The following ZDBF2 variants were observed in gnomAD, a reference collection of about 807,000 sequenced individuals.
The protein encoded by ZDBF2 is DBF4-type zinc finger-containing protein 2.
In ZDBF2, 6 loss-of-function variants were observed where a neutral mutation model predicts 9.4. That is an observed-to-expected ratio of 0.64 (90% confidence interval 0.35 to 1.27). The LOEUF is 1.27. ZDBF2 is among the 50% of genes most tolerant of loss of function. The pLI, the probability that ZDBF2 is intolerant of heterozygous loss-of-function variation, is 0.03. For synonymous variants in ZDBF2, 905 were observed against 946.3 expected (o/e 0.96, Z 0.80); for missense variants, 2,697 against 2,766.8 (o/e 0.97, Z 0.57).
At chr2:206,288,087 T>G (rs1691691824) in intron 3 of ZDBF2, among the ~76,000 whole-genome samples, 1 of 152,234 alleles carries the variant, frequency 6.6e-6, no homozygotes, top group South Asian at 2.1e-4. Flanking sequence ...TATGAGGAAG[T>G]TATGTTCCTT....
chr2:206,282,675 G>A (rs1474487051), intron 3 of ZDBF2, among the ~76,000 whole-genome samples: 1 of 152,118 alleles, frequency 6.6e-6, no homozygotes, highest in East Asian at 1.9e-4. Flanking sequence ...GGCTGCTGAG[G>A]GAAAAATAGT....
At chr2:206,302,027 C>A (rs978351916) in intron 4 of ZDBF2, among the ~76,000 whole-genome samples, 1 of 146,586 alleles carries the variant, frequency 6.8e-6, no homozygotes, top group Non-Finnish European at 1.5e-5. Flanking sequence ...GTTTTTTGTT[C>A]GTTTGTAGGT....
In ZDBF2 at chr2:206,305,136, A is replaced by G; in HGVS notation, c.608A>G (p.Asn203Ser). The G allele has an allele frequency of 6.2e-7, 1 of 1,613,836 alleles. No individual in the cohort carries two copies. Among genetic ancestry groups the G allele is most frequent in the Non-Finnish European group, 8.5e-7 (1 of 1,179,804 alleles). ...ESSNDRPVTA[N>S]TTSLPPAAHL... ...TCTAACGATAGACCAGTTACAGCTAATACAACTAGTTTACCACCAGCAGCT... is the reference window on the plus strand; with the variant it reads ...TCTAACGATAGACCAGTTACAGCTAGTACAACTAGTTTACCACCAGCAGCT... The change falls in exon 5 of 5, where the codon AAT becomes AGT. Residue 203 changes from asparagine (N) to serine (S), a missense_variant. Physicochemically the swap from Asn to Ser is conservative, Grantham distance 46. This residue lies in a region of ZDBF2 where 910 missense variants were observed against 973.6 expected (regional missense o/e 0.93). Transcript: ENST00000374423.
intron 1 of ZDBF2, among the ~76,000 whole-genome samples, chr2:206,276,936 GTGT>G (rs1046649042): frequency 1.3e-4 from 20 of 152,282 alleles, no homozygotes; most frequent in African/African-American, 4.3e-4. Context: ...AAAATTAGTA[GTGT>G]TGTGTGGAGG....
rs562754426 is a variant in ZDBF2 at position 206,283,205 on chromosome 2, G to A, written c.60+1296G>A. Among the ~76,000 whole-genome samples the A allele has an allele frequency of 5.8e-4, 88 of 152,296 alleles. 1 individual carries two copies. Among genetic ancestry groups the A allele is most frequent in the African/African-American group, 1.9e-3 (80 of 41,556 alleles). On this transcript the variant is annotated intron_variant, in intron 3 of 4. Transcript: ENST00000374423. Reference sequence around the variant, plus strand: ...TGTACAAGTTTTTGTGTGGACGTATGCTTTCACTTTTCTTAGGTTTACATG... The same window carrying A: ...TGTACAAGTTTTTGTGTGGACGTATACTTTCACTTTTCTTAGGTTTACATG...
At chr2:206,304,390 T>C (rs947101192) in intron 4 of ZDBF2, among the ~76,000 whole-genome samples, 1 of 152,330 alleles carries the variant, frequency 6.6e-6, no homozygotes, top group Non-Finnish European at 1.5e-5. Flanking sequence ...AGGCAGAAAC[T>C]GAAGCATACA....
rs1386605199 is a variant in ZDBF2, at chr2:206,309,699, C to A, written c.5171C>A (p.Ala1724Asp). The change falls in exon 5 of 5, where the codon GCT (alanine) becomes GAT (aspartate). Residue 1724 changes from alanine (A) to aspartate (D), a missense_variant. This residue lies in a region of ZDBF2 where 1,783 missense variants were observed against 1,776.5 expected (regional missense o/e 1.00). Coordinates refer to ENST00000374423, the MANE Select transcript of ZDBF2 (RefSeq NM_020923.3). The stretch of plus-strand genomic sequence containing the variant: ...TCCAAGTCAGCGCTCCATCGAAGGG[C>A]TGATAAAAAAAAACGTTCGAAGCTA... ...ASSKSALHRR[A>D]DKKKRSKLKH... The A allele has an allele frequency of 6.2e-7, 1 of 1,613,656 alleles. No homozygotes were observed. Among genetic ancestry groups the A allele is most frequent in the Admixed American group, 1.7e-5 (1 of 59,984 alleles).
In ZDBF2 at chr2:206,308,941, G is replaced by T. The variant is rs747703884; in HGVS notation, c.4413G>T (p.Val1471=). 6.2e-7 allele frequency: 1 copy of T among 1,613,450 alleles called. No homozygotes were observed. The highest frequency in any genetic ancestry group is 2.2e-5 in the East Asian group (1 of 44,866). ...AGTCAGAAGTTGACCAACCTCAAGT[G>T]TCTTACAAAGAGGCAGACCTTCAGA... is the stretch of plus-strand genomic sequence containing the variant. The part of the protein sequence containing the change: ...HLQSEVDQPQ[V]SYKEADLQKE... Residue 1471 remains valine (V), a synonymous_variant, in exon 5 of 5, where the codon GTG becomes GTT. Coordinates refer to ENST00000374423, the MANE Select transcript of ZDBF2 (RefSeq NM_020923.3).
In ZDBF2 at chr2:206,308,783, C is replaced by T; in HGVS notation, c.4255C>T (p.Gln1419Ter). 2 of 1,613,712 alleles carry T rather than the reference C, an allele frequency of 1.2e-6. No homozygotes were observed. Among genetic ancestry groups the T allele is most frequent in the Non-Finnish European group, 1.7e-6 (2 of 1,179,806 alleles). Residue 1419 changes from glutamine (Q) to a stop codon, truncating the protein, a stop_gained, in exon 5 of 5, where the codon CAG (glutamine) becomes TAG (stop). Transcript: ENST00000374423. LOFTEE classifies it low-confidence loss of function (END_TRUNC). ...AAGTTATGCTTCTCATATTCCTGTT[C>T]AGTTTGTGACTGATCAATCTTCTGT... Reference protein sequence around the residue: ...DVSYASHIPVQFVTDQSSVPV... With the variant: ...DVSYASHIPV
At chr2:206,288,463 C>T (rs758315238) in intron 3 of ZDBF2, among the ~76,000 whole-genome samples, 3 of 152,158 alleles carry the variant, frequency 2.0e-5, no homozygotes, top group Non-Finnish European at 2.9e-5. Flanking sequence ...GTTTTCATTA[C>T]GATGGGGAGA....
chr2:206,281,813 A>G lies in ZDBF2; in HGVS notation c.-37A>G. 2 of 1,601,650 alleles carry G rather than the reference A, an allele frequency of 1.2e-6. No homozygotes were observed. ...TTTTGTTTTTCAGCTTGAGTATTCA[A>G]AGACAGTAGCCATCTGACTTCAGTT... On this transcript the variant is annotated 5_prime_UTR_variant, in exon 3 of 5. Coordinates refer to ENST00000374423, the MANE Select transcript of ZDBF2 (RefSeq NM_020923.3).
At position 206,275,331 on chromosome 2, in the gene ZDBF2, G is replaced by A. The variant is rs191644190; in HGVS notation, c.-103+385G>A. 7.5e-3 allele frequency among the ~76,000 whole-genome samples: 1,136 copies of A among 152,294 alleles called. 14 individuals are homozygous for A. Among genetic ancestry groups the A allele is most frequent in the African/African-American group, 0.026 (1,086 of 41,576 alleles). On this transcript the variant is annotated intron_variant, in intron 1 of 4. Coordinates refer to ENST00000374423, the MANE Select transcript of ZDBF2 (RefSeq NM_020923.3). ...CGGAGTCTTGCCCCTGGGCACCTGT[G>A]GGGCCGAGATCCCGAGCCACCTGTC...
At chr2:206,302,538 T>C (rs948174183) in intron 4 of ZDBF2, among the ~76,000 whole-genome samples, 1 of 152,224 alleles carries the variant, frequency 6.6e-6, no homozygotes, top group Non-Finnish European at 1.5e-5. Context: ...TTTTCCCTTT[T>C]CTTTCTTTTC....
intron 1 of ZDBF2, 79 bp downstream of exon 1, chr2:206,275,025 C>T (rs1690905263): frequency 6.6e-6 from 1 of 150,770 alleles, no homozygotes; most frequent in Non-Finnish European, 1.5e-5. Context: ...CCCGGGGCGC[C>T]TTCTTCCCGA....
At chr2:206,283,459 T>G (rs539919460) in intron 3 of ZDBF2, among the ~76,000 whole-genome samples, 23 of 152,332 alleles carry the variant, frequency 1.5e-4, no homozygotes, top group African/African-American at 4.8e-4. Flanking sequence ...GGCTTTGATT[T>G]GCATTTCCCT....
chr2:206,295,915 A>G (rs1574400746), intron 3 of ZDBF2, among the ~76,000 whole-genome samples: 1 of 152,084 alleles, frequency 6.6e-6, no homozygotes, highest in African/African-American at 2.4e-5. Context: ...TAGTGTATTT[A>G]TTTTAATTTT....
rs1284600556 is a variant in ZDBF2, at chr2:206,306,115, G to C, written c.1587G>C (p.Lys529Asn). 1.2e-6 allele frequency: 2 copies of C among 1,613,816 alleles called. No individual in the cohort carries two copies. Among genetic ancestry groups the C allele is most frequent in the Non-Finnish European group, 1.7e-6 (2 of 1,179,808 alleles). The change falls in exon 5 of 5, where the codon AAG (lysine) becomes AAC (asparagine). Residue 529 changes from lysine to asparagine, a missense_variant. Transcript: ENST00000374423. ...PKEVHIGLVD[K>N]NYGSSSSEVS... is the part of the protein sequence containing the mutation. ...AAGTGCACATTGGTTTGGTTGATAAGAACTATGGTTCCAGTAGCTCTGAAG... is the reference window on the plus strand; with the variant it reads ...AAGTGCACATTGGTTTGGTTGATAACAACTATGGTTCCAGTAGCTCTGAAG...
intron 4 of ZDBF2, among the ~76,000 whole-genome samples, chr2:206,301,651 A>T (rs983657315): frequency 6.6e-6 from 1 of 152,028 alleles, no homozygotes; most frequent in Non-Finnish European, 1.5e-5. Flanking sequence ...AAACTTTCTA[A>T]CTTATAGGAT....
Position 206,306,174 on chromosome 2 carries a change from T to G in ZDBF2, c.1646T>G (p.Val549Gly). The change falls in exon 5 of 5, where the codon GTG becomes GGG. Residue 549 changes from valine (V) to glycine (G), a missense_variant. Around this residue, in one of 3 missense-constraint regions of ZDBF2, gnomAD observed 910 missense variants for 973.6 expected, o/e 0.93. Transcript: ENST00000374423. ...GATTCTGTTTTCCCACTGCAGTCAG[T>G]GGTTGACAGACCCCCAGTGGCTGTC... ...SADSVFPLQSVVDRPPVAVTE... is the reference protein window; with the variant it reads ...SADSVFPLQSGVDRPPVAVTE... The G allele has an allele frequency of 6.2e-7, 1 of 1,613,734 alleles. No homozygotes were observed. The highest frequency in any genetic ancestry group is 1.7e-4 in the Middle Eastern group (1 of 6,060).
Sources: gnomAD v4.1 joint callset for allele counts (sites outside exome capture counted in the v4.1 genomes callset) on GRCh38, gnomAD v4.1.1 for gene constraint, gnomAD v4.1.1 regional missense constraint, MANE v1.5 for transcripts, NCBI Gene and HGNC (gene_info 2026-07-23, HGNC 2026-07-21) for gene names.